HDGF: variants seen among roughly 807,000 people sequenced by gnomAD.
HDGF encodes hepatoma-derived growth factor.
Under a neutral mutation model 30.0 loss-of-function variants are expected in HDGF, and 5 were observed. The observed-to-expected ratio is 0.17, with a 90% CI of 0.09 to 0.35. The LOEUF (loss-of-function observed/expected upper bound fraction) is 0.35. Among genes scored for constraint, HDGF ranks in the 10% least tolerant of loss-of-function variants. HDGF has a pLI of 1.00. For synonymous variants in HDGF, 133 were observed against 112.7 expected (o/e 1.18, Z -1.14); for missense variants, 214 against 302.8 (o/e 0.71, Z 2.18).
At chr1:156,751,700 G>A, upstream of HDGF, 1 of 1,185,470 alleles carries the variant, frequency 8.4e-7, no homozygotes, top group Non-Finnish European at 1.0e-6. The surrounding 1 kb of genome is among the most constrained non-coding windows in gnomAD (Gnocchi z 4.7). Flanking sequence ...CCTCCTCTGC[G>A]CGAGGCCTCT....
intron 1 of HDGF, among the ~76,000 whole-genome samples, chr1:156,763,590 T>C (rs2102742681): frequency 6.8e-6 from 1 of 146,740 alleles, no homozygotes; most frequent in East Asian, 2.0e-4. Context: ...ACAAATTTCT[T>C]TTTTTTTTTT....
Position 156,765,115 on chromosome 1 carries a change from G to A in HDGF, n.136+1675C>T, listed in dbSNP as rs1176915679. Among the ~76,000 whole-genome samples the A allele has an allele frequency of 1.2e-4, 17 of 142,584 alleles. No homozygotes were observed. The East Asian group carries it at 2.3e-3, about 20-fold the overall frequency. The allele number at this position is 142,584 out of a possible 152,430, so 93.5% of individuals were successfully genotyped here. A position where few individuals can be genotyped will look rare whatever the true frequency, so the allele number is the denominator to read the frequency against. On this transcript the variant is annotated intron_variant and non_coding_transcript_variant, in intron 1 of 7. Transcript: ENST00000465180. ...CCGCCCTTTTTTTTTTTTTTGAGAC[G>A]GAGTTTCACTCTTGTTGCCCAGGCT...
chr1:156,744,563 G>A, intron 3 of HDGF: 1 of 1,531,298 alleles, frequency 6.5e-7, no homozygotes. Flanking sequence ...GTGCAGGAGG[G>A]GGGAGGGCTG....
rs1306660319 is a variant in HDGF, at chr1:156,742,133, C to T, written c.*1316G>A. 4 of 152,598 alleles carry T rather than the reference C, an allele frequency of 2.6e-5. No individual in the cohort carries two copies. The highest frequency in any genetic ancestry group is 7.2e-5 in the African/African-American group (3 of 41,418). 9.5% of individuals were successfully genotyped at this position (152,598 alleles called of 1,614,324 possible). A position where few individuals can be genotyped will look rare whatever the true frequency, so the allele number is the denominator to read the frequency against. ...ATAGTAATCAACGGGTTTTATTTTC[C>T]TAGAACTGAAATCATCTACGGTTCT... On this transcript the variant is annotated 3_prime_UTR_variant, in exon 6 of 6. Transcript: ENST00000357325.
chr1:156,758,600 A>T (rs368072433), intron 2 of HDGF, among the ~76,000 whole-genome samples: 4,032 of 105,200 alleles, frequency 0.038, 432 homozygotes, highest in African/African-American at 0.12. Flanking sequence ...CTCAAAAAAA[A>T]AAATAAATAA....
At chr1:156,754,450 G>C (rs1651123059), upstream of HDGF, among the ~76,000 whole-genome samples, 1 of 152,150 alleles carries the variant, frequency 6.6e-6, no homozygotes, top group Admixed American at 6.5e-5. Flanking sequence ...CTAGGCGTTG[G>C]TTGCAATTTA....
upstream of HDGF, chr1:156,751,765 T>A: frequency 1.3e-5 from 10 of 791,872 alleles, no homozygotes; most frequent in African/African-American, 7.6e-5. The surrounding 1 kb of genome is among the most constrained non-coding windows in gnomAD (Gnocchi z 4.7). Flanking sequence ...CCGGACCCAC[T>A]CCTCCTCCTC....
intron 5 of HDGF, 58 bp from the exon 6 acceptor site, chr1:156,743,513 C>T: frequency 1.3e-6 from 2 of 1,582,022 alleles, no homozygotes; most frequent in Non-Finnish European, 8.6e-7. Flanking sequence ...CCTGGCCTTG[C>T]CCCAGCCAGT....
At chr1:156,752,077 A>G, upstream of HDGF, 1 of 1,551,568 alleles carries the variant, frequency 6.4e-7, no homozygotes, top group Non-Finnish European at 8.7e-7. Context: ...ACGTCTGTAC[A>G]CGGTTTCCGC....
intron 1 of HDGF, among the ~76,000 whole-genome samples, chr1:156,761,223 T>C (rs1458568747): frequency 2.0e-5 from 3 of 150,008 alleles, no homozygotes; most frequent in Non-Finnish European, 4.4e-5. Context: ...TGAGGCAGAA[T>C]TGCTTGAACA....
At chr1:156,750,730 A>G (rs901245829) in intron 1 of HDGF, 5 of 152,300 alleles carry the variant, frequency 3.3e-5, no homozygotes, top group Admixed American at 6.5e-5. Context: ...TTTCCAAGCC[A>G]GGTAGATCCC....
At chr1:156,752,576 G>C, upstream of HDGF, 1 of 578,800 alleles carries the variant, frequency 1.7e-6, no homozygotes, top group Non-Finnish European at 3.1e-6. Flanking sequence ...GGTGATGACT[G>C]AACTGGGCAT....
intron 2 of HDGF, among the ~76,000 whole-genome samples, chr1:156,757,959 G>A (rs1323521193): frequency 6.6e-6 from 1 of 152,078 alleles, no homozygotes; most frequent in Non-Finnish European, 1.5e-5. Flanking sequence ...TTTGTTCCAG[G>A]GCAGTGGCTG....
rs71080793 is a variant in HDGF, at chr1:156,765,472, CTTTTTTTTTTT to C, written n.136+1307_136+1317del. On this transcript the variant is annotated intron_variant and non_coding_transcript_variant, in intron 1 of 7. Coordinates refer to the HDGF transcript ENST00000465180. ...TCCTTCTTTCCTTCTTTCTTTCTTT[CTTTTTTTTTTT>C]TTTTTTTTTGAGATGGAGTCTTGCA... 3.5e-5 allele frequency among the ~76,000 whole-genome samples: 3 copies of C among 85,982 alleles called. No homozygotes were observed. The Admixed American group carries it at 5.0e-4, about 14-fold the overall frequency. The allele number at this position is 85,982 out of a possible 152,430, so 56.4% of individuals were successfully genotyped here. A position where few individuals can be genotyped will look rare whatever the true frequency, so the allele number is the denominator to read the frequency against.
intron 1 of HDGF, among the ~76,000 whole-genome samples, chr1:156,765,194 G>C (rs1206665533): frequency 6.9e-6 from 1 of 144,398 alleles, no homozygotes; most frequent in African/African-American, 2.5e-5. Flanking sequence ...CCGGGTTCAA[G>C]CGATTCTCCT....
chr1:156,751,899 G>A, upstream of HDGF: 1 of 1,001,498 alleles, frequency 1.0e-6, no homozygotes, highest in Non-Finnish European at 1.4e-6. This position sits in a 1 kb window ranked among gnomAD's most constrained non-coding sequence, Gnocchi z 4.7. Flanking sequence ...GGCGGCACAG[G>A]CATAAGGAGC....
chr1:156,745,398 T>G (rs1571544070), intron 1 of HDGF, 25 bp from the exon 2 acceptor site: 1 of 1,604,918 alleles, frequency 6.2e-7, no homozygotes. Flanking sequence ...GGGGGTGAGG[T>G]TAGCTAGAGT....
intron 2 of HDGF, among the ~76,000 whole-genome samples, chr1:156,757,567 T>G (rs989463013): frequency 6.6e-6 from 1 of 150,482 alleles, no homozygotes; most frequent in African/African-American, 2.4e-5. Context: ...CCAAAGCGGG[T>G]GGATCACTTG....
chr1:156,758,561 C>G (rs1651189113), intron 2 of HDGF, among the ~76,000 whole-genome samples: 1 of 145,026 alleles, frequency 6.9e-6, no homozygotes, highest in Non-Finnish European at 1.5e-5. Flanking sequence ...CCACTGCACT[C>G]CAGCCTGGGT....
Sources: allele counts gnomAD v4.1 joint callset (sites outside exome capture counted in the v4.1 genomes callset), GRCh38; gene constraint gnomAD v4.1.1; non-coding constraint Gnocchi (gnomAD v3.1); transcripts MANE v1.5; gene names NCBI Gene and HGNC (gene_info 2026-07-23, HGNC 2026-07-21).